REV3L: variants seen among roughly 807,000 people sequenced by gnomAD.
REV3L encodes the protein REV3 like, DNA directed polymerase zeta catalytic subunit.
REV3L carries 69 observed loss-of-function variants against 299.4 expected under a neutral mutation model. The observed-to-expected ratio is 0.23, with a 90% CI of 0.19 to 0.28. The LOEUF (loss-of-function observed/expected upper bound fraction) is 0.28, where lower values mean the gene tolerates loss of function less well. REV3L is among the 10% of genes least tolerant of loss of function. The pLI is 1.00. For synonymous variants in REV3L, 1,238 were observed against 1,271.4 expected (o/e 0.97, Z 0.56); for missense variants, 3,128 against 3,693.8 (o/e 0.85, Z 3.97).
At chr6:111,477,202 GTTCTCTGTGATGATTATCATCTA>G (rs1793047292) in intron 1 of REV3L, among the ~76,000 whole-genome samples, 1 of 152,200 alleles carries the variant, frequency 6.6e-6, no homozygotes, top group African/African-American at 2.4e-5. Context: ...ACTTAGAGTT[GTTCTCTGTGATGATTATCATCTA>G]TTTATTAATC....
chr6:111,445,571 T>C (rs1161591363), intron 1 of REV3L, among the ~76,000 whole-genome samples: 1 of 152,140 alleles, frequency 6.6e-6, no homozygotes, highest in Non-Finnish European at 1.5e-5. Flanking sequence ...AACACCTAAG[T>C]GTGTACAAGG....
chr6:111,401,581 C>T (rs749687562), intron 4 of REV3L, among the ~76,000 whole-genome samples: 5 of 152,200 alleles, frequency 3.3e-5, no homozygotes, highest in Non-Finnish European at 7.3e-5. Context: ...AAATGAATTA[C>T]TCTGCTCTAA....
chr6:111,475,256 A>G (rs1370877853), intron 1 of REV3L, among the ~76,000 whole-genome samples: 2 of 152,038 alleles, frequency 1.3e-5, no homozygotes, highest in African/African-American at 4.8e-5. Flanking sequence ...TCACCTAACT[A>G]CTTCCCTACT....
chr6:111,474,098 A>G (rs1182499139), intron 1 of REV3L, among the ~76,000 whole-genome samples: 2 of 152,250 alleles, frequency 1.3e-5, no homozygotes, highest in African/African-American at 4.8e-5. Context: ...GAAAAAATGT[A>G]AAGTGTTATG....
rs1457151892 is a variant in REV3L at position 111,373,814 on chromosome 6, A to G, written c.4541T>C (p.Val1514Ala). The G allele has an allele frequency of 5.0e-6, 8 of 1,614,166 alleles. No homozygotes were observed. Among genetic ancestry groups the G allele is most frequent in the Non-Finnish European group, 6.8e-6 (8 of 1,180,004 alleles). ...TTCACCAAATGCTGAAGGTGTTGAC[A>G]CATTTCGATTTTTACACTGAGAAAG... ...KALSQCKNRN[V>A]STPSAFGEGQ... The change falls in exon 13 of 32, where the codon GTG (valine) becomes GCG (alanine). Residue 1514 changes from valine (V) to alanine (A), a missense_variant. By Grantham distance (64) the Val-to-Ala change is moderately conservative (BLOSUM62 0). Transcript: ENST00000368802.
chr6:111,378,829 A>G (rs545054540), intron 11 of REV3L, among the ~76,000 whole-genome samples: 2 of 152,294 alleles, frequency 1.3e-5, no homozygotes, highest in South Asian at 4.1e-4. Flanking sequence ...TTCTAATTAG[A>G]TCAAACATTC....
chr6:111,422,595 C>CGT (rs1785525641), intron 1 of REV3L, among the ~76,000 whole-genome samples: 2 of 18,568 alleles, frequency 1.1e-4, no homozygotes, highest in Non-Finnish European at 1.4e-4. Context: ...TATATATATA[C>CGT]ACATATATAT....
rs1350765588 is a variant in REV3L, at chr6:111,375,008, C to T, written c.3347G>A (p.Arg1116Lys). 6.2e-7 allele frequency: 1 copy of T among 1,613,316 alleles called. No individual in the cohort carries two copies. The highest frequency in any genetic ancestry group is 1.1e-5 in the South Asian group (1 of 90,764). ...VMSKLGFLSE[R>K]STSPINSSPP... is the part of the protein sequence containing the mutation. Reference sequence around the variant, plus strand: ...AGAAGAATTTATGGGACTTGTGCTTCTCTCAGAAAGAAAACCTAGTTTAGA... The same window carrying T: ...AGAAGAATTTATGGGACTTGTGCTTTTCTCAGAAAGAAAACCTAGTTTAGA... Residue 1116 changes from arginine (R) to lysine (K), a missense_variant, in exon 13 of 32, where the codon AGA (arginine) becomes AAA (lysine). Coordinates refer to ENST00000368802, the MANE Select transcript of REV3L (RefSeq NM_001372078.1).
chr6:111,476,134 A>G (rs1272284921), intron 1 of REV3L, among the ~76,000 whole-genome samples: 7 of 152,186 alleles, frequency 4.6e-5, no homozygotes, highest in Non-Finnish European at 8.8e-5. Context: ...ATAATTTTAA[A>G]TAATGTTACA....
intron 31 of REV3L, among the ~76,000 whole-genome samples, chr6:111,301,980 CTT>C (rs1562472531): frequency 1.3e-5 from 2 of 152,168 alleles, no homozygotes; most frequent in Non-Finnish European, 2.9e-5. Flanking sequence ...TCTGGATTGT[CTT>C]TTAAGAGAAA....
chr6:111,405,958 C>T (rs1457579885), intron 3 of REV3L, among the ~76,000 whole-genome samples: 1 of 151,802 alleles, frequency 6.6e-6, no homozygotes, highest in Non-Finnish European at 1.5e-5. Flanking sequence ...GATTAATATT[C>T]AAAAAAGGAA....
At chr6:111,404,865 A>G (rs1303245246) in intron 4 of REV3L, among the ~76,000 whole-genome samples, 1 of 152,210 alleles carries the variant, frequency 6.6e-6, no homozygotes, top group Non-Finnish European at 1.5e-5. Context: ...AAAAATAACA[A>G]TGCTTGCACA....
chr6:111,406,767 C>T (rs1783669980), intron 3 of REV3L, among the ~76,000 whole-genome samples: 1 of 151,862 alleles, frequency 6.6e-6, no homozygotes, highest in Non-Finnish European at 1.5e-5. Context: ...AATTTAGACA[C>T]AAGGGCATTT....
At chr6:111,466,012 C>T (rs1791467933) in intron 1 of REV3L, among the ~76,000 whole-genome samples, 1 of 152,082 alleles carries the variant, frequency 6.6e-6, no homozygotes, top group Non-Finnish European at 1.5e-5. Context: ...AGCTATGCAA[C>T]AAGACAAGAA....
chr6:111,363,937 A>G lies in REV3L; in HGVS notation c.6795T>C (p.Ser2265=). The G allele has an allele frequency of 1.2e-6, 2 of 1,613,488 alleles. No individual in the cohort carries two copies. Among genetic ancestry groups the G allele is most frequent in the Non-Finnish European group, 1.7e-6 (2 of 1,179,706 alleles). Residue 2265 remains serine, a synonymous_variant, in exon 16 of 32, where the codon TCT becomes TCC. Coordinates refer to ENST00000368802, the MANE Select transcript of REV3L (RefSeq NM_001372078.1). ...AAVNTPQKET[S]QIDGPSLNNT... is the part of the protein sequence containing the mutation. Reference sequence around the variant, plus strand: ...TGTTTAAAGATGGTCCATCAATCTGAGAAGTTTCTTTCTGTGGGGTATTTA... The same window carrying G: ...TGTTTAAAGATGGTCCATCAATCTGGGAAGTTTCTTTCTGTGGGGTATTTA...
In REV3L at chr6:111,358,927, C is replaced by A; in HGVS notation, c.6967G>T (p.Ala2323Ser). The A allele has an allele frequency of 6.2e-7, 1 of 1,614,048 alleles. No homozygotes were observed. Among genetic ancestry groups the A allele is most frequent in the Non-Finnish European group, 8.5e-7 (1 of 1,179,980 alleles). The change falls in exon 17 of 32, where the codon GCT becomes TCT. Residue 2323 changes from alanine (A) to serine (S), a missense_variant. Physicochemically the swap from Ala to Ser is moderately conservative, Grantham distance 99 (BLOSUM62 1). Coordinates refer to ENST00000368802, the MANE Select transcript of REV3L (RefSeq NM_001372078.1). Reference sequence around the variant, plus strand: ...TCAGATGAGATGCAGTAGAACAGAGCACAGATTGGGTCAAATTCAGGATCC... The same window carrying A: ...TCAGATGAGATGCAGTAGAACAGAGAACAGATTGGGTCAAATTCAGGATCC... ...EPDPEFDPICALFYCISSDTP... is the reference protein window; with the variant it reads ...EPDPEFDPICSLFYCISSDTP...
intron 30 of REV3L, 119 bp from the exon 31 acceptor site, chr6:111,307,689 A>T: frequency 1.2e-6 from 1 of 863,410 alleles, no homozygotes; most frequent in Non-Finnish European, 1.8e-6. Flanking sequence ...TCATTCAACA[A>T]ATGTTGAGTA....
intron 1 of REV3L, chr6:111,430,755 T>C: frequency 2.5e-6 from 4 of 1,585,734 alleles, no homozygotes; most frequent in Admixed American, 3.3e-5. Context: ...AGCAATAATT[T>C]AGAGAGAGCG....
chr6:111,380,824 G>T (rs1343639742), intron 10 of REV3L, among the ~76,000 whole-genome samples: 1 of 152,232 alleles, frequency 6.6e-6, no homozygotes, highest in East Asian at 1.9e-4. Flanking sequence ...CCCCTAGTTG[G>T]GAGGCCTTGC....
Sources: gnomAD v4.1 joint callset for allele counts (sites outside exome capture counted in the v4.1 genomes callset) on GRCh38, gnomAD v4.1.1 for gene constraint, MANE v1.5 for transcripts, NCBI Gene and HGNC (gene_info 2026-07-23, HGNC 2026-07-21) for gene names.